The following DYSF variants were observed in gnomAD, a reference collection of about 807,000 sequenced individuals.
The protein encoded by DYSF is dystrophy-associated fer-1-like 1.
DYSF carries 212 observed loss-of-function variants against 274.9 expected under a neutral mutation model. The ratio of observed to expected loss-of-function variants is 0.77; its 90% confidence interval spans 0.69 to 0.86. The LOEUF is 0.86. DYSF is among the 40% of genes least tolerant of loss of function. The pLI, the probability that DYSF is intolerant of heterozygous loss-of-function variation, is 0.00. For synonymous variants in DYSF, 1,091 were observed against 1,078.7 expected, an observed-to-expected ratio of 1.01 and a Z score of -0.22; for missense variants, 2,666 against 2,783.2, an observed-to-expected ratio of 0.96 and a Z score of 0.95.
chr2:71,667,327 C>G (rs986259151), intron 47 of DYSF, 49 bp from the exon 48 acceptor site: 1 of 1,613,048 alleles, frequency 6.2e-7, no homozygotes, highest in African/African-American at 1.3e-5. Context: ...GCCCCATTAT[C>G]TCTCGCTTCC....
At position 71,622,130 on chromosome 2, in the gene DYSF, G is replaced by GTTTTTTTTTTTTTTTTTTTTTTTT. The variant is rs74263952; in HGVS notation, c.4527+1537_4527+1538insTTTTTTTTTTTTTTTTTTTTTTTT. The stretch of plus-strand genomic sequence containing the variant: ...ATATGTCCATTCAGATGATTTCTTT[G>GTTTTTTTTTTTTTTTTTTTTTTTT]TTTTTTTTTTTTTTTTGTTACGCCC... On this transcript the variant is annotated intron_variant, in intron 41 of 55. Coordinates refer to ENST00000410020, the MANE Select transcript of DYSF (RefSeq NM_001130987.2). 2.4e-4 allele frequency among the ~76,000 whole-genome samples: 23 copies of GTTTTTTTTTTTTTTTTTTTTTTTT among 96,982 alleles called. 2 individuals are homozygous for GTTTTTTTTTTTTTTTTTTTTTTTT. The highest frequency in any genetic ancestry group is 3.2e-4 in the Non-Finnish European group (16 of 50,400). The allele number at this position is 96,982 out of a possible 152,430, so 63.6% of individuals were successfully genotyped here.
At chr2:71,626,292 A>C (rs976924538) in intron 41 of DYSF, among the ~76,000 whole-genome samples, 3 of 133,376 alleles carry the variant, frequency 2.2e-5, no homozygotes, top group Admixed American at 8.3e-5. Flanking sequence ...ACCTGTTAGA[A>C]TCTTACTAGT....
chr2:71,607,998 G>C (rs372304688), intron 36 of DYSF, among the ~76,000 whole-genome samples: 1 of 152,144 alleles, frequency 6.6e-6, no homozygotes, highest in African/African-American at 2.4e-5. Flanking sequence ...TCAGCAAACA[G>C]GGTGAGGGCC....
At chr2:71,461,316 CT>C (rs1361172571) in intron 1 of DYSF, among the ~76,000 whole-genome samples, 1 of 152,214 alleles carries the variant, frequency 6.6e-6, no homozygotes, top group Non-Finnish European at 1.5e-5. Context: ...TCAGGGACTG[CT>C]TTCCTGGAGA....
intron 3 of DYSF, among the ~76,000 whole-genome samples, chr2:71,489,561 A>C (rs1213155835): frequency 6.6e-6 from 1 of 152,106 alleles, no homozygotes; most frequent in Non-Finnish European, 1.5e-5. Flanking sequence ...TATGTCAATG[A>C]GTTTCATTTG....
At chr2:71,663,024 C>T (rs571469637) in intron 45 of DYSF, among the ~76,000 whole-genome samples, 336 of 148,092 alleles carry the variant, frequency 2.3e-3, no homozygotes, top group Non-Finnish European at 4.0e-3. Flanking sequence ...TGTATGTTTA[C>T]GTGTGTGTGT....
At chr2:71,475,453 C>A (rs2082333146) in intron 1 of DYSF, among the ~76,000 whole-genome samples, 1 of 152,204 alleles carries the variant, frequency 6.6e-6, no homozygotes, top group Non-Finnish European at 1.5e-5. Context: ...CACACTGCTA[C>A]ACGGCTGTCC....
intron 3 of DYSF, among the ~76,000 whole-genome samples, chr2:71,486,864 A>G (rs1386579583): frequency 6.6e-6 from 1 of 152,120 alleles, no homozygotes; most frequent in Non-Finnish European, 1.5e-5. Flanking sequence ...TTTCCTGTTT[A>G]CTCGAGGCTT....
In DYSF at chr2:71,531,828, G is replaced by T. The variant is rs186421251; in HGVS notation, c.1381-3193G>T. Among the ~76,000 whole-genome samples the T allele has an allele frequency of 2.0e-5, 3 of 152,224 alleles. No individual in the cohort carries two copies. In the East Asian group the frequency reaches 5.8e-4, roughly 30 times the overall value. ...TGAGTCACAGTGCCGTTGGCTGTGA[G>T]TTCAATGCTGATGACTCAGCAATGT... is the stretch of plus-strand genomic sequence containing the variant. On this transcript the variant is annotated intron_variant, in intron 14 of 55. Coordinates refer to ENST00000410020, the MANE Select transcript of DYSF (RefSeq NM_001130987.2).
Position 71,659,039 on chromosome 2 carries a change from T to G in DYSF, c.4911+6T>G. The G allele has an allele frequency of 6.2e-7, 1 of 1,614,112 alleles. No homozygotes were observed. Among genetic ancestry groups the G allele is most frequent in the South Asian group, 1.1e-5 (1 of 91,074 alleles). ...CCAAGGACCCCAATGGAAAGGTAAC[T>G]TTCCTAGAGCCCTCACCTCCCCCAG... On this transcript the variant is annotated splice_donor_region_variant and intron_variant, in intron 44 of 55. Coordinates refer to ENST00000410020, the MANE Select transcript of DYSF (RefSeq NM_001130987.2).
intron 1 of DYSF, among the ~76,000 whole-genome samples, chr2:71,476,823 C>CTTT (rs1553505730): frequency 4.4e-5 from 6 of 137,126 alleles, no homozygotes; most frequent in African/African-American, 1.7e-4. Context: ...GAACTAGCTG[C>CTTT]TTTTTTTTTT....
intron 52 of DYSF, among the ~76,000 whole-genome samples, chr2:71,675,525 G>T (rs1333696819): frequency 6.6e-6 from 1 of 152,200 alleles, no homozygotes; most frequent in African/African-American, 2.4e-5. Context: ...CGGCAGTGGG[G>T]AGAAGGCTGC....
At chr2:71,646,865 A>G (rs2094575041) in intron 42 of DYSF, among the ~76,000 whole-genome samples, 1 of 152,206 alleles carries the variant, frequency 6.6e-6, no homozygotes, top group Non-Finnish European at 1.5e-5. Flanking sequence ...TAGAATGGCT[A>G]AAAAATAAAG....
At chr2:71,472,077 C>T (rs1376086765) in intron 1 of DYSF, among the ~76,000 whole-genome samples, 1 of 151,354 alleles carries the variant, frequency 6.6e-6, no homozygotes, top group African/African-American at 2.5e-5. Flanking sequence ...TATATGGATG[C>T]ACCATCATTA....
intron 24 of DYSF, among the ~76,000 whole-genome samples, chr2:71,566,353 CAAAA>C (rs773800974): frequency 2.0e-5 from 1 of 49,794 alleles, no homozygotes; most frequent in Admixed American, 2.4e-4. Context: ...TGGTTTCAAG[CAAAA>C]AAAAAAAAAA....
Position 71,506,073 on chromosome 2 carries a change from C to T in DYSF, c.345+2754C>T, listed in dbSNP as rs190594833. Among the ~76,000 whole-genome samples the T allele has an allele frequency of 1.3e-3, 205 of 152,322 alleles. 1 individual carries two copies. The highest frequency in any genetic ancestry group is 4.6e-3 in the African/African-American group (190 of 41,568). ...CTGAGGGAGAGGTTAGTGAGGGCCACGCACATATCAGGCCTGTCTTGTCCA... is the reference window on the plus strand; with the variant it reads ...CTGAGGGAGAGGTTAGTGAGGGCCATGCACATATCAGGCCTGTCTTGTCCA... On this transcript the variant is annotated intron_variant, in intron 4 of 55. Transcript: ENST00000410020.
At chr2:71,500,247 C>A (rs1474905422) in intron 3 of DYSF, among the ~76,000 whole-genome samples, 3 of 152,152 alleles carry the variant, frequency 2.0e-5, no homozygotes, top group Non-Finnish European at 2.9e-5. Context: ...TCTGCGCCCC[C>A]CACCTCTCCT....
At chr2:71,466,694 T>C (rs1397985779), upstream of DYSF, 3 of 1,377,336 alleles carry the variant, frequency 2.2e-6, no homozygotes, top group East Asian at 5.5e-5. Context: ...TCCCAGGCAT[T>C]GGTCACTTCT....
chr2:71,653,785 A>AT (rs1278883300), intron 42 of DYSF, among the ~76,000 whole-genome samples: 3 of 152,096 alleles, frequency 2.0e-5, no homozygotes, highest in Non-Finnish European at 4.4e-5. Context: ...CATTGTGCAC[A>AT]TGTACCCTAA....
Sources: allele counts gnomAD v4.1 joint callset (sites outside exome capture counted in the v4.1 genomes callset), GRCh38; gene constraint gnomAD v4.1.1; transcripts MANE v1.5; gene names NCBI Gene and HGNC (gene_info 2026-07-23, HGNC 2026-07-21).